The following ERICH1 variants were observed in gnomAD, a reference collection of about 807,000 sequenced individuals.
ERICH1 encodes glutamate rich 1, also known as glutamate-rich protein 1.
In ERICH1, 56 loss-of-function variants were observed where a neutral mutation model predicts 39.6. That is an observed-to-expected ratio of 1.41 (90% CI 1.14 to 1.77). The LOEUF (loss-of-function observed/expected upper bound fraction) is 1.77. Ranked by LOEUF, ERICH1 falls within the 40% of genes most tolerant of loss-of-function variation. The pLI is 0.00. For missense variants in ERICH1, 826 were observed against 575.4 expected (o/e 1.44, Z -4.45); for synonymous variants, 313 against 223.6 (o/e 1.40, Z -3.57).
At chr8:692,298 G>C (rs1015597443) in intron 3 of ERICH1, among the ~76,000 whole-genome samples, 180 bp downstream of exon 3, 3 of 152,130 alleles carry the variant, frequency 2.0e-5, no homozygotes, top group Non-Finnish European at 2.9e-5. Flanking sequence ...AGTCTTTTAA[G>C]CATCACTTTT....
chr8:656,136 C>T (rs1452440414), intron 3 of ERICH1, among the ~76,000 whole-genome samples: 3 of 152,188 alleles, frequency 2.0e-5, no homozygotes, highest in Admixed American at 6.5e-5. Flanking sequence ...CGAATGGCCT[C>T]GCTGCTGGCA....
intron 3 of ERICH1, chr8:626,119 T>C (rs1261815481): frequency 6.6e-6 from 1 of 152,254 alleles, no homozygotes; most frequent in Non-Finnish European, 1.5e-5. Flanking sequence ...TTGAATTTTC[T>C]TTGCCATTTT....
chr8:699,413 G>C (rs560250912), intron 2 of ERICH1, among the ~76,000 whole-genome samples: 187 of 152,200 alleles, frequency 1.2e-3, no homozygotes, highest in Non-Finnish European at 2.4e-3. Flanking sequence ...ATCAATGCGA[G>C]GCCACAATCA....
In ERICH1 at chr8:673,733, C is replaced by T. The variant is rs775774192; in HGVS notation, c.619G>A (p.Glu207Lys). Residue 207 changes from glutamate (E) to lysine (K), a missense_variant, in exon 4 of 6, where the codon GAG (glutamate) becomes AAG (lysine). Coordinates refer to ENST00000262109, the MANE Select transcript of ERICH1 (RefSeq NM_207332.3). ...NEGEGVGEAC[E>K]EDGVDTSEED... ...TCGCTGGTGTCCACACCATCCTCCT[C>T]ACAAGCCTCTCCCACGCCTTCCCCT... The T allele has an allele frequency of 6.2e-7, 1 of 1,612,684 alleles. No homozygotes were observed. The highest frequency in any genetic ancestry group is 1.1e-5 in the South Asian group (1 of 91,078).
intron 3 of ERICH1, among the ~76,000 whole-genome samples, chr8:629,196 C>T (rs1198428062): frequency 6.6e-6 from 1 of 152,168 alleles, no homozygotes; most frequent in Non-Finnish European, 1.5e-5. Context: ...CCTTCCTAGC[C>T]ACACTCAGGG....
At chr8:707,520 C>A (rs1018866121) in intron 2 of ERICH1, among the ~76,000 whole-genome samples, 2 of 152,082 alleles carry the variant, frequency 1.3e-5, no homozygotes, top group Non-Finnish European at 2.9e-5. Context: ...AACTGATTTT[C>A]AATGAGTGCT....
In ERICH1 at chr8:731,191, GGC is replaced by G; in HGVS notation, c.-32_-31del. ...GACCCTGCCGCGGACCTCAGACCAC[GGC>G]GCGCGGTCCTGAGCTGAGCGCCGTG... On this transcript the variant is annotated 5_prime_UTR_variant, in exon 1 of 6. Coordinates refer to ENST00000262109, the MANE Select transcript of ERICH1 (RefSeq NM_207332.3). The G allele has an allele frequency of 6.7e-7, 1 of 1,492,282 alleles. No homozygotes were observed. Among genetic ancestry groups the G allele is most frequent in the South Asian group, 1.3e-5 (1 of 78,426 alleles). The allele number at this position is 1,492,282 out of a possible 1,614,324, so 92.4% of individuals were successfully genotyped here. A position where few individuals can be genotyped will look rare whatever the true frequency, so the allele number is the denominator to read the frequency against.
rs1563319316 is a variant in ERICH1 at position 708,681 on chromosome 8, G to GTTTTTTTTTTGTTTTTTTTTTTT, written c.169+7179_169+7180insAAAAAAAAAAAACAAAAAAAAAA. On this transcript the variant is annotated intron_variant, in intron 2 of 5. Coordinates refer to ENST00000262109, the MANE Select transcript of ERICH1 (RefSeq NM_207332.3). ...GGGCTGAGTGGTTACGGGATAATGA[G>GTTTTTTTTTTGTTTTTTTTTTTT]TTTTTTTTTTTTTTTTTTTTTTTTT... 8.8e-4 allele frequency among the ~76,000 whole-genome samples: 58 copies of GTTTTTTTTTTGTTTTTTTTTTTT among 65,758 alleles called. 7 individuals carry two copies. The highest frequency in any genetic ancestry group is 1.2e-3 in the South Asian group (2 of 1,616). 43.1% of individuals were successfully genotyped at this position (65,758 alleles called of 152,430 possible).
At chr8:680,922 G>A (rs1447230192) in intron 3 of ERICH1, among the ~76,000 whole-genome samples, 1 of 152,216 alleles carries the variant, frequency 6.6e-6, no homozygotes, top group African/African-American at 2.4e-5. Flanking sequence ...AGGGGAGGAA[G>A]GGGCAGTCTC....
intron 3 of ERICH1, chr8:616,630 G>C (rs1275852302): frequency 6.6e-6 from 3 of 454,854 alleles, no homozygotes; most frequent in Non-Finnish European, 1.3e-5. Flanking sequence ...GAGGGAGGCA[G>C]AGACAGAGAA....
chr8:719,149 C>T (rs1816719726), intron 1 of ERICH1, among the ~76,000 whole-genome samples: 2 of 152,160 alleles, frequency 1.3e-5, no homozygotes, highest in African/African-American at 4.8e-5. Context: ...CACACGAAAG[C>T]CCCAGGCCTG....
chr8:626,706 T>TC, intron 3 of ERICH1: 1 of 173,424 alleles, frequency 5.8e-6, no homozygotes. Context: ...GTGTTCCAGC[T>TC]GGCGTCTGTC....
intron 3 of ERICH1, among the ~76,000 whole-genome samples, chr8:689,339 G>C (rs1250190229): frequency 6.6e-6 from 1 of 152,236 alleles, no homozygotes; most frequent in Non-Finnish European, 1.5e-5. Flanking sequence ...TCAAACTCCT[G>C]ACCTCAGGTG....
intron 2 of ERICH1, among the ~76,000 whole-genome samples, chr8:694,173 T>A (rs917241128): frequency 6.6e-6 from 1 of 152,182 alleles, no homozygotes; most frequent in African/African-American, 2.4e-5. Flanking sequence ...CTTTTCAGGT[T>A]CCACTGTAGT....
intron 3 of ERICH1, chr8:627,359 G>A (rs1039796765): frequency 2.6e-6 from 1 of 382,222 alleles, no homozygotes; most frequent in Non-Finnish European, 5.4e-6. Flanking sequence ...TTCCTGGACA[G>A]GAAAAGTCTG....
At chr8:624,184 C>T (rs1466822109) in intron 3 of ERICH1, among the ~76,000 whole-genome samples, 2 of 152,004 alleles carry the variant, frequency 1.3e-5, no homozygotes, top group Non-Finnish European at 2.9e-5. Context: ...AAATCGAAAC[C>T]ACAATGAGAC....
At chr8:630,151 C>T (rs372622099) in intron 3 of ERICH1, among the ~76,000 whole-genome samples, 142 of 62,126 alleles carry the variant, frequency 2.3e-3, no homozygotes, top group East Asian at 6.6e-3. Flanking sequence ...CACACCCTCC[C>T]GTGACCACCC....
chr8:638,567 T>A (rs573804594), intron 3 of ERICH1, among the ~76,000 whole-genome samples: 1 of 152,216 alleles, frequency 6.6e-6, no homozygotes, highest in East Asian at 1.9e-4. Context: ...TGTGATCGTG[T>A]ACGAGGGCAG....
At chr8:670,253 G>C (rs1336264624) in intron 4 of ERICH1, among the ~76,000 whole-genome samples, 1 of 152,134 alleles carries the variant, frequency 6.6e-6, no homozygotes, top group Admixed American at 6.5e-5. Context: ...CTGGCGAAAT[G>C]CTCCAATTTT....
Sources: allele counts gnomAD v4.1 joint callset (sites outside exome capture counted in the v4.1 genomes callset), GRCh38; gene constraint gnomAD v4.1.1; transcripts MANE v1.5; gene names NCBI Gene and HGNC (gene_info 2026-07-23, HGNC 2026-07-21).